TRPC7: variants seen among roughly 807,000 people sequenced by gnomAD.
TRPC7 encodes transient receptor potential cation channel subfamily C member 7.
Under a neutral mutation model 90.1 loss-of-function variants are expected in TRPC7, and 42 were observed. That is an observed-to-expected ratio of 0.47 (90% CI 0.36 to 0.60). The LOEUF is 0.60. Ranked by LOEUF, TRPC7 falls within the 20% of genes least tolerant of loss-of-function variation. The pLI, the probability that TRPC7 is intolerant of heterozygous loss-of-function variation, is 0.00. For missense variants in TRPC7, 955 were observed against 1,112.3 expected (o/e 0.86, Z 2.01); for synonymous variants, 451 against 436.3 (o/e 1.03, Z -0.42).
intron 4 of TRPC7, among the ~76,000 whole-genome samples, chr5:136,271,585 G>A (rs558148036): frequency 6.6e-5 from 10 of 152,314 alleles, no homozygotes; most frequent in Admixed American, 2.0e-4. Flanking sequence ...AACTCTTTAG[G>A]CAAACAGAGA....
chr5:136,248,277 G>A (rs1180836605), intron 6 of TRPC7, among the ~76,000 whole-genome samples: 1 of 152,222 alleles, frequency 6.6e-6, no homozygotes, highest in African/African-American at 2.4e-5. Flanking sequence ...GACTCTGAGA[G>A]ACAACTAACT....
intron 3 of TRPC7, among the ~76,000 whole-genome samples, chr5:136,299,334 T>TGTGC (rs1387861508): frequency 4.4e-4 from 38 of 86,776 alleles, no homozygotes; most frequent in African/African-American, 2.3e-3. Context: ...CTGACTGGGG[T>TGTGC]GTGTGCGTGT....
chr5:136,303,105 AG>A (rs1421813817), intron 3 of TRPC7, among the ~76,000 whole-genome samples: 2 of 152,116 alleles, frequency 1.3e-5, no homozygotes, highest in Non-Finnish European at 2.9e-5. Flanking sequence ...CCACCTGCCC[AG>A]CAATTTACTC....
chr5:136,221,042 T>C (rs991816228), intron 10 of TRPC7, among the ~76,000 whole-genome samples: 1 of 152,022 alleles, frequency 6.6e-6, no homozygotes, highest in African/African-American at 2.4e-5. Context: ...AAAATAGATA[T>C]AGAAAAGATG....
intron 7 of TRPC7, among the ~76,000 whole-genome samples, chr5:136,236,483 G>A (rs1207686304): frequency 3.3e-5 from 5 of 152,168 alleles, no homozygotes; most frequent in Non-Finnish European, 5.9e-5. Context: ...GCAGTGGAAG[G>A]GACTGAAGTT....
At chr5:136,318,847 T>G (rs945233332) in intron 2 of TRPC7, among the ~76,000 whole-genome samples, 3 of 152,120 alleles carry the variant, frequency 2.0e-5, no homozygotes, top group Non-Finnish European at 4.4e-5. Flanking sequence ...CACTGTTGTT[T>G]TTTTTTTACC....
intron 4 of TRPC7, among the ~76,000 whole-genome samples, chr5:136,269,381 G>A (rs1757131761): frequency 6.6e-6 from 1 of 152,184 alleles, no homozygotes; most frequent in South Asian, 2.1e-4. Flanking sequence ...TTTGGGGTGG[G>A]CACCTGCGTT....
At chr5:136,344,412 C>T (rs1759940578) in intron 2 of TRPC7, among the ~76,000 whole-genome samples, 1 of 152,112 alleles carries the variant, frequency 6.6e-6, no homozygotes. Context: ...TAAATATGCA[C>T]ATGTATCCCT....
At chr5:136,259,371 G>T (rs1756782885) in intron 5 of TRPC7, among the ~76,000 whole-genome samples, 1 of 152,166 alleles carries the variant, frequency 6.6e-6, no homozygotes. Flanking sequence ...AACAGACATT[G>T]TTGAGCTCCA....
chr5:136,271,255 C>T (rs1028877775), intron 4 of TRPC7, among the ~76,000 whole-genome samples: 1 of 152,186 alleles, frequency 6.6e-6, no homozygotes, highest in African/African-American at 2.4e-5. Context: ...TACAGTTCCT[C>T]CTGCCTGAGT....
At chr5:136,347,458 G>C (rs1291581554) in intron 2 of TRPC7, among the ~76,000 whole-genome samples, 1 of 152,170 alleles carries the variant, frequency 6.6e-6, no homozygotes, top group Non-Finnish European at 1.5e-5. Context: ...ACATAAATCA[G>C]ATAGAAGATT....
intron 1 of TRPC7, among the ~76,000 whole-genome samples, chr5:136,357,777 T>C (rs1760438940): frequency 6.6e-6 from 1 of 152,174 alleles, no homozygotes; most frequent in South Asian, 2.1e-4. Context: ...CTCTATGCTT[T>C]AGTTTTCCCA....
chr5:136,315,678 A>G lies in TRPC7; in HGVS notation c.882T>C (p.Asp294=), dbSNP rs781516048. ...GGTCGGACCAGACTTGGAAGTTCAC[A>G]TCACCGTTTAAAATTGCTTCCACCT... The part of the protein sequence containing the change: ...TEEVEAILNG[D]VNFQVWSDHH... Residue 294 remains aspartate, a synonymous_variant, in exon 3 of 12, where the codon GAT becomes GAC. Transcript: ENST00000513104. 28 of 1,613,846 alleles carry G rather than the reference A, an allele frequency of 1.7e-5. No homozygotes were observed. The highest frequency in any genetic ancestry group is 3.3e-5 in the Admixed American group (2 of 59,992).
In TRPC7 at chr5:136,279,829, C is replaced by T. The variant is rs144019897; in HGVS notation, c.964-4992G>A. Among the ~76,000 whole-genome samples, 36 of 152,304 alleles carry T rather than the reference C, an allele frequency of 2.4e-4. No individual in the cohort carries two copies. The East Asian group carries it at 6.7e-3, about 29-fold the overall frequency. On this transcript the variant is annotated intron_variant, in intron 3 of 11. Transcript: ENST00000513104. ...TCCAAACCTGGCATATGTAGCCACC[C>T]CCTGTCTATGTTCAAAGAAGGTCCA...
chr5:136,252,764 A>G (rs1756563925), intron 5 of TRPC7, among the ~76,000 whole-genome samples: 2 of 152,216 alleles, frequency 1.3e-5, no homozygotes, highest in Non-Finnish European at 2.9e-5. Context: ...TGAGAATCTA[A>G]TGCCGCTGCT....
chr5:136,256,804 C>T (rs1041986718), intron 5 of TRPC7, among the ~76,000 whole-genome samples: 4 of 152,164 alleles, frequency 2.6e-5, no homozygotes, highest in African/African-American at 9.7e-5. Flanking sequence ...TTTTATACAC[C>T]CTGTACTCTA....
intron 7 of TRPC7, among the ~76,000 whole-genome samples, chr5:136,238,913 A>G (rs968544804): frequency 2.6e-5 from 4 of 152,182 alleles, no homozygotes; most frequent in African/African-American, 9.7e-5. Flanking sequence ...CTATATTTTT[A>G]TCACTTGTTG....
At chr5:136,363,326 T>A (rs1406762442) in intron 1 of TRPC7, among the ~76,000 whole-genome samples, 1 of 152,276 alleles carries the variant, frequency 6.6e-6, no homozygotes, top group East Asian at 1.9e-4. Context: ...ACGTAAACTA[T>A]TTATCATTGC....
intron 3 of TRPC7, among the ~76,000 whole-genome samples, chr5:136,295,277 T>C (rs1383456605): frequency 2.0e-5 from 3 of 152,162 alleles, no homozygotes; most frequent in Non-Finnish European, 4.4e-5. Flanking sequence ...ACCCTAAAAC[T>C]TAAAGTATAA....
Sources: allele counts gnomAD v4.1 joint callset (sites outside exome capture counted in the v4.1 genomes callset), GRCh38; gene constraint gnomAD v4.1.1; transcripts MANE v1.5; gene names NCBI Gene and HGNC (gene_info 2026-07-23, HGNC 2026-07-21).